REV3L: variants seen among roughly 807,000 people sequenced by gnomAD.
The protein encoded by REV3L is REV3 like, DNA directed polymerase zeta catalytic subunit, also known as DNA polymerase zeta catalytic subunit.
In REV3L, 69 loss-of-function variants were observed where a neutral mutation model predicts 299.4. That is an observed-to-expected ratio of 0.23 (90% confidence interval 0.19 to 0.28). The LOEUF is 0.28. Ranked by LOEUF, REV3L falls within the 10% of genes least tolerant of loss-of-function variation. The pLI is 1.00. For synonymous variants in REV3L, 1,238 were observed against 1,271.4 expected, an observed-to-expected ratio of 0.97 and a Z score of 0.56; for missense variants, 3,128 against 3,693.8, an observed-to-expected ratio of 0.85 and a Z score of 3.97.
At chr6:111,379,626 A>G (rs1479524870) in intron 11 of REV3L, among the ~76,000 whole-genome samples, 3 of 152,190 alleles carry the variant, frequency 2.0e-5, no homozygotes, top group Non-Finnish European at 4.4e-5. Context: ...CTGACTCTAT[A>G]CATTGTTGTT....
At chr6:111,350,715 T>C (rs1777494034) in intron 19 of REV3L, among the ~76,000 whole-genome samples, 2 of 151,250 alleles carry the variant, frequency 1.3e-5, no homozygotes, top group African/African-American at 4.9e-5. Flanking sequence ...TAGCTGGGAC[T>C]ACAGGCACAA....
At position 111,405,608 on chromosome 6, in the gene REV3L, C is replaced by T. The variant is rs776407802; in HGVS notation, c.427G>A (p.Gly143Arg). 18 of 1,595,434 alleles carry T rather than the reference C, an allele frequency of 1.1e-5. No homozygotes were observed. Among genetic ancestry groups the T allele is most frequent in the Admixed American group, 5.3e-5 (3 of 56,872 alleles). The part of the protein sequence containing the change: ...VKRICELLQS[G>R]AIMNKFYQPH... The stretch of plus-strand genomic sequence containing the variant: ...TGGTAAAATTTATTCATTATGGCTC[C>T]GCTTTGCAAAAGTTCACATATCCTA... The change falls in exon 4 of 32, where the codon GGA (glycine) becomes AGA (arginine). Residue 143 changes from glycine (G) to arginine (R), a missense_variant. Gly to Arg is a moderately radical substitution (Grantham distance 125, BLOSUM62 -2). Coordinates refer to ENST00000368802, the MANE Select transcript of REV3L (RefSeq NM_001372078.1).
At position 111,367,728 on chromosome 6, in the gene REV3L, C is replaced by T; in HGVS notation, c.6060G>A (p.Lys2020=). 3 of 1,614,220 alleles carry T rather than the reference C, an allele frequency of 1.9e-6. No homozygotes were observed. Among genetic ancestry groups the T allele is most frequent in the Non-Finnish European group, 2.5e-6 (3 of 1,180,032 alleles). ...LQAKEEYERS[K]KLPKTKPTGV... is the part of the protein sequence containing the mutation. Reference sequence around the variant, plus strand: ...CAGTTGGCTTGGTTTTAGGCAGTTTCTTGGAACGTTCGTATTCTTCTTTGG... The same window carrying T: ...CAGTTGGCTTGGTTTTAGGCAGTTTTTTGGAACGTTCGTATTCTTCTTTGG... Residue 2020 remains lysine (K), a synonymous_variant, in exon 14 of 32, where the codon AAG becomes AAA. Transcript: ENST00000368802.
At chr6:111,470,172 TCTCACACACACACACACA>T (rs1176151971) in intron 1 of REV3L, among the ~76,000 whole-genome samples, 2 of 90,538 alleles carry the variant, frequency 2.2e-5, no homozygotes, top group South Asian at 9.7e-4. Flanking sequence ...GTTTACTATC[TCTCACACACACACACACA>T]CACACACACA....
chr6:111,462,354 T>G (rs1361843698), intron 1 of REV3L, among the ~76,000 whole-genome samples: 1 of 152,104 alleles, frequency 6.6e-6, no homozygotes, highest in Non-Finnish European at 1.5e-5. Context: ...GCAAAGAAGA[T>G]TTCAGAACAA....
chr6:111,431,243 G>A, intron 1 of REV3L: 1 of 1,540,002 alleles, frequency 6.5e-7, no homozygotes, highest in Non-Finnish European at 9.0e-7. Flanking sequence ...GGGCATTCCA[G>A]GACCCTACAA....
chr6:111,431,710 T>C lies in REV3L; in HGVS notation c.140-15238A>G, dbSNP rs1403155265. ...TCCTTCCCCCGTCATGGAAAACAAC[T>C]CTGTGGATTTGACAGAAGATACTGA... On this transcript the variant is annotated intron_variant, in intron 1 of 31. Coordinates refer to ENST00000368802, the MANE Select transcript of REV3L (RefSeq NM_001372078.1). 2.3e-5 allele frequency: 22 copies of C among 961,596 alleles called. No individual in the cohort carries two copies. The African/African-American group carries it at 2.9e-4, about 13-fold the overall frequency. 59.6% of individuals were successfully genotyped at this position (961,596 alleles called of 1,614,324 possible). A position where few individuals can be genotyped will look rare whatever the true frequency, so the allele number is the denominator to read the frequency against.
chr6:111,357,308 ATT>A (rs1778191379), intron 17 of REV3L, among the ~76,000 whole-genome samples, 183 bp from the exon 18 acceptor site: 2 of 152,146 alleles, frequency 1.3e-5, no homozygotes, highest in East Asian at 1.9e-4. Flanking sequence ...CTCTCAAAAG[ATT>A]TTTTAGTTTA....
At chr6:111,385,038 G>T (rs545076863) in intron 9 of REV3L, among the ~76,000 whole-genome samples, 33 of 151,984 alleles carry the variant, frequency 2.2e-4, no homozygotes, top group Admixed American at 1.3e-4. Flanking sequence ...ACTTGTGGGG[G>T]CTAATTAATA....
chr6:111,311,190 G>C lies in REV3L; in HGVS notation c.8674C>G (p.Arg2892Gly). 2 of 1,613,792 alleles carry C rather than the reference G, an allele frequency of 1.2e-6. No homozygotes were observed. The highest frequency in any genetic ancestry group is 1.7e-6 in the Non-Finnish European group (2 of 1,179,852). ...CCTTCCAGAAGCTTCATACATTGTC[G>C]CTGAACATACTGTTTAATTAGACTT... ...DISLIKQYVQRQCMKLLEGKA... is the reference protein window; with the variant it reads ...DISLIKQYVQGQCMKLLEGKA... Residue 2892 changes from arginine (R) to glycine (G), a missense_variant, in exon 29 of 32, where the codon CGA becomes GGA. By Grantham distance (125) the Arg-to-Gly change is moderately radical. This residue lies in a region of REV3L where 294 missense variants were observed against 377.0 expected (regional missense o/e 0.78). Transcript: ENST00000368802.
chr6:111,415,404 T>C (rs1032697646), intron 2 of REV3L, among the ~76,000 whole-genome samples: 6 of 152,248 alleles, frequency 3.9e-5, no homozygotes, highest in Admixed American at 6.5e-5. Flanking sequence ...AGGGTAAGAG[T>C]AGCCTATGGA....
At chr6:111,341,013 T>C (rs1307437773) in intron 21 of REV3L, among the ~76,000 whole-genome samples, 2 of 151,380 alleles carry the variant, frequency 1.3e-5, no homozygotes, top group East Asian at 1.9e-4. Context: ...TCAAGTTTTA[T>C]TTATTGGTGT....
rs1417610808 is a variant in REV3L at position 111,482,977 on chromosome 6, GC to G, written c.-90del. ...CGGCTCCCTCCGCAGCGGCGGCGGC[GC>G]CCCCTCCCCTTCTCGGCACGGCCCC... On this transcript the variant is annotated 5_prime_UTR_variant, in exon 1 of 32. Transcript: ENST00000368802. 11 of 1,386,450 alleles carry G rather than the reference GC, an allele frequency of 7.9e-6. 1 individual carries two copies. Among genetic ancestry groups the G allele is most frequent in the Admixed American group, 7.9e-5 (2 of 25,360 alleles). The allele number at this position is 1,386,450 out of a possible 1,614,324, so 85.9% of individuals were successfully genotyped here.
chr6:111,397,837 A>C (rs1782683721), intron 4 of REV3L, among the ~76,000 whole-genome samples: 1 of 151,822 alleles, frequency 6.6e-6, no homozygotes, highest in Non-Finnish European at 1.5e-5. Flanking sequence ...AGATCTCACT[A>C]TGTTACCTGA....
chr6:111,322,556 A>C lies in REV3L; in HGVS notation c.8351+13T>G. On this transcript the variant is annotated intron_variant, in intron 26 of 31. Coordinates refer to ENST00000368802, the MANE Select transcript of REV3L (RefSeq NM_001372078.1). ...AGATGCAAAAGACAACTACAAAACC[A>C]AAAACCCATTACCTGTCAGTATCGC... 6.3e-7 allele frequency: 1 copy of C among 1,599,476 alleles called. No homozygotes were observed. The highest frequency in any genetic ancestry group is 8.6e-7 in the Non-Finnish European group (1 of 1,167,000).
intron 1 of REV3L, among the ~76,000 whole-genome samples, chr6:111,417,031 C>A (rs1211403659): frequency 4.6e-5 from 7 of 150,894 alleles, no homozygotes; most frequent in Admixed American, 4.6e-4. Flanking sequence ...AAGACAAAAC[C>A]AAATCAAAAC....
intron 15 of REV3L, among the ~76,000 whole-genome samples, chr6:111,364,773 A>G (rs1036289572): frequency 7.9e-5 from 12 of 152,014 alleles, no homozygotes; most frequent in African/African-American, 2.9e-4. Context: ...TCATATTTTT[A>G]GTATTTGAAT....
chr6:111,449,076 T>C (rs988064989), intron 1 of REV3L, among the ~76,000 whole-genome samples: 4 of 152,136 alleles, frequency 2.6e-5, no homozygotes, highest in African/African-American at 9.7e-5. Flanking sequence ...GCTTAAACTT[T>C]AAAAACGAGT....
intron 21 of REV3L, among the ~76,000 whole-genome samples, chr6:111,343,505 A>G (rs1033155763): frequency 1.3e-5 from 2 of 152,304 alleles, no homozygotes; most frequent in South Asian, 2.1e-4. Flanking sequence ...CATTTTTCAA[A>G]GTCATTGAAC....
Sources: gnomAD v4.1 joint callset for allele counts (sites outside exome capture counted in the v4.1 genomes callset) on GRCh38, gnomAD v4.1.1 for gene constraint, gnomAD v4.1.1 regional missense constraint, MANE v1.5 for transcripts, NCBI Gene and HGNC (gene_info 2026-07-23, HGNC 2026-07-21) for gene names.